Variants in SLC2A9 observed in about 807,000 individuals in gnomAD.
SLC2A9 encodes solute carrier family 2 member 9, also known as solute carrier family 2, facilitated glucose transporter member 9.
In SLC2A9, 39 loss-of-function variants were observed where a neutral mutation model predicts 50.6. The ratio of observed to expected loss-of-function variants is 0.77; its 90% CI spans 0.60 to 1.01. The LOEUF is 1.01. SLC2A9 is among the 50% of genes least tolerant of loss of function. The pLI is 0.00. For synonymous variants in SLC2A9, 324 were observed against 276.9 expected (o/e 1.17, Z -1.69); for missense variants, 686 against 677.6 (o/e 1.01, Z -0.14).
At chr4:9,957,739 T>C (rs1751545604) in intron 5 of SLC2A9, among the ~76,000 whole-genome samples, 2 of 151,978 alleles carry the variant, frequency 1.3e-5, no homozygotes, top group Admixed American at 1.3e-4. Context: ...TTTGAGAAAA[T>C]GTTCCATAAA....
chr4:9,959,523 G>T (rs557801862), intron 5 of SLC2A9, among the ~76,000 whole-genome samples: 92 of 152,122 alleles, frequency 6.0e-4, no homozygotes, highest in African/African-American at 2.1e-3. Context: ...AAATATGGTG[G>T]AATTATCAAA....
intron 6 of SLC2A9, among the ~76,000 whole-genome samples, chr4:9,927,597 G>A (rs1745138332): frequency 6.6e-6 from 1 of 152,166 alleles, no homozygotes; most frequent in African/African-American, 2.4e-5. Context: ...TTTCATCAAA[G>A]CATTTATTTT....
At chr4:9,960,809 G>A (rs1752146019) in intron 5 of SLC2A9, among the ~76,000 whole-genome samples, 1 of 152,166 alleles carries the variant, frequency 6.6e-6, no homozygotes. Context: ...GTCAGCAGAA[G>A]GGAAATGGGG....
intron 10 of SLC2A9, chr4:9,880,425 T>C (rs952332998): frequency 1.4e-5 from 14 of 985,186 alleles, no homozygotes; most frequent in African/African-American, 1.7e-5. Flanking sequence ...TAGACACTGA[T>C]GGGGAGCCCA....
At chr4:9,815,647 A>C (rs769454204) in intron 3 of SLC2A9, among the ~76,000 whole-genome samples, 1 of 152,146 alleles carries the variant, frequency 6.6e-6, no homozygotes, top group Non-Finnish European at 1.5e-5. Context: ...ACAAAGGCAA[A>C]TTTTCTGGTT....
At chr4:9,881,998 T>C (rs766179790) in intron 10 of SLC2A9, among the ~76,000 whole-genome samples, 1 of 152,214 alleles carries the variant, frequency 6.6e-6, no homozygotes, top group Non-Finnish European at 1.5e-5. Context: ...AACCAAGTGC[T>C]ATGATTTAGG....
At chr4:9,970,796 C>T (rs192936050) in intron 5 of SLC2A9, among the ~76,000 whole-genome samples, 2 of 152,266 alleles carry the variant, frequency 1.3e-5, no homozygotes, top group Middle Eastern at 3.4e-3. Context: ...GGCAGCCCAG[C>T]GCCAGGCGCC....
rs187477397 is a variant in SLC2A9 at position 9,876,371 on chromosome 4, T to C, written c.1291+11196A>G. ...ACTTTGGGAGGCCAAGGTGGGAGGA[T>C]AACTTGAGCCCAGGAGTTCCAGACC... On this transcript the variant is annotated intron_variant, in intron 10 of 11. Coordinates refer to ENST00000264784, the MANE Select transcript of SLC2A9 (RefSeq NM_020041.3). Among the ~76,000 whole-genome samples, 105 of 152,260 alleles carry C rather than the reference T, an allele frequency of 6.9e-4. No individual in the cohort carries two copies. In the South Asian group the frequency reaches 0.011, roughly 15 times the overall value.
chr4:9,942,010 C>T lies in SLC2A9; in HGVS notation c.717G>A (p.Val239=). The part of the protein sequence containing the change: ...STWPYLFGVI[V]VPAVVQLLSL... ...TCAGCAGCTGGACAACGGCAGGGAC[C>T]ACAATCACTCCAAACAGGTATGGCC... The change falls in exon 6 of 12, where the codon GTG becomes GTA. Residue 239 remains valine (V), a synonymous_variant. Transcript: ENST00000264784. 3.1e-6 allele frequency: 5 copies of T among 1,614,168 alleles called. No individual in the cohort carries two copies. Among genetic ancestry groups the T allele is most frequent in the African/African-American group, 1.3e-5 (1 of 75,048 alleles).
At chr4:9,981,989 C>T (rs959033054) in intron 4 of SLC2A9, among the ~76,000 whole-genome samples, 3 of 151,900 alleles carry the variant, frequency 2.0e-5, no homozygotes, top group Non-Finnish European at 2.9e-5. Context: ...TCAAGTGATT[C>T]TCCTGCCTCA....
At chr4:9,828,063 A>G (rs1485905306) in intron 11 of SLC2A9, among the ~76,000 whole-genome samples, 1 of 152,200 alleles carries the variant, frequency 6.6e-6, no homozygotes, top group African/African-American at 2.4e-5. Flanking sequence ...TCAAGTCCAA[A>G]GTGGAGCCTC....
intron 10 of SLC2A9, among the ~76,000 whole-genome samples, chr4:9,882,096 G>A (rs1560233304): frequency 1.3e-5 from 2 of 152,202 alleles, no homozygotes; most frequent in African/African-American, 2.4e-5. Flanking sequence ...CTGGAACCAT[G>A]AAAATCAACA....
intron 7 of SLC2A9, among the ~76,000 whole-genome samples, chr4:9,918,485 C>T (rs150492986): frequency 1.3e-5 from 2 of 152,204 alleles, no homozygotes; most frequent in Non-Finnish European, 2.9e-5. Flanking sequence ...GAGTGACATG[C>T]ATGGGGGTGC....
At chr4:9,821,660 T>G (rs958913995), downstream of SLC2A9, among the ~76,000 whole-genome samples, 1 of 152,186 alleles carries the variant, frequency 6.6e-6, no homozygotes, top group Non-Finnish European at 1.5e-5. Flanking sequence ...AAAAAGAAAT[T>G]GTGTGCCTTT....
At chr4:9,998,225 A>G (rs1759077171) in intron 2 of SLC2A9, among the ~76,000 whole-genome samples, 1 of 152,218 alleles carries the variant, frequency 6.6e-6, no homozygotes, top group Non-Finnish European at 1.5e-5. Context: ...AGGTACTTAG[A>G]GTTCCCTGTT....
At chr4:9,795,232 G>A (rs757266106), downstream of SLC2A9, among the ~76,000 whole-genome samples, 2 of 151,854 alleles carry the variant, frequency 1.3e-5, no homozygotes, top group East Asian at 3.9e-4. Flanking sequence ...AGGGTACCTC[G>A]ATCTCTTGAC....
At position 9,920,278 on chromosome 4, in the gene SLC2A9, G is replaced by A. The variant is rs187232293; in HGVS notation, c.1002+107C>T. The A allele has an allele frequency of 6.6e-6, 8 of 1,206,078 alleles. No individual in the cohort carries two copies. In the Admixed American group the frequency reaches 9.9e-5, roughly 15 times the overall value. 74.7% of individuals were successfully genotyped at this position (1,206,078 alleles called of 1,614,324 possible). ...CTAACAGCATAGAGTTTGTGGCAAT[G>A]ACAGAACTGAGATTTGAACCTGGGC... On this transcript the variant is annotated intron_variant, in intron 7 of 11. Coordinates refer to ENST00000264784, the MANE Select transcript of SLC2A9 (RefSeq NM_020041.3).
chr4:9,791,421 A>C (rs1331114100), intron 3 of SLC2A9, among the ~76,000 whole-genome samples: 1 of 152,216 alleles, frequency 6.6e-6, no homozygotes, highest in Non-Finnish European at 1.5e-5. Context: ...TAGGAGCTGC[A>C]TGTGACTAGT....
chr4:9,903,527 C>T (rs866324328), intron 8 of SLC2A9, among the ~76,000 whole-genome samples: 1 of 151,974 alleles, frequency 6.6e-6, no homozygotes, highest in Non-Finnish European at 1.5e-5. Context: ...TGAAAGATGG[C>T]GATTATTTAC....
Sources: gnomAD v4.1 joint callset for allele counts (sites outside exome capture counted in the v4.1 genomes callset) on GRCh38, gnomAD v4.1.1 for gene constraint, MANE v1.5 for transcripts, NCBI Gene and HGNC (gene_info 2026-07-23, HGNC 2026-07-21) for gene names.